Variants in SLC22A25 observed in about 807,000 individuals in gnomAD.
SLC22A25 encodes MGI:2442751, MGI:2385316, MGI:3042283, MGI:3645714, MGI:3605624, MGI:2442750.
In SLC22A25, 44 loss-of-function variants were observed where a neutral mutation model predicts 45.9. The ratio of observed to expected loss-of-function variants is 0.96; its 90% CI spans 0.75 to 1.23. The LOEUF (loss-of-function observed/expected upper bound fraction) is 1.23. Among genes scored for constraint, SLC22A25 ranks in the 50% most tolerant of loss-of-function variants. The probability of loss-of-function intolerance (pLI) is 0.00; values close to 1 mark genes in which losing one functional copy is unlikely to be tolerated. For missense variants in SLC22A25, 800 were observed against 666.4 expected, an observed-to-expected ratio of 1.20 and a Z score of -2.21; for synonymous variants, 283 against 238.6, an observed-to-expected ratio of 1.19 and a Z score of -1.72.
intron 7 of SLC22A25, among the ~76,000 whole-genome samples, chr11:63,203,356 C>T (rs1487692415): frequency 6.6e-6 from 1 of 151,904 alleles, no homozygotes; most frequent in African/African-American, 2.4e-5. Context: ...TAACAATCTC[C>T]TCTGAGCTAA....
At chr11:63,204,801 C>T (rs1268237891) in intron 7 of SLC22A25, among the ~76,000 whole-genome samples, 1 of 152,154 alleles carries the variant, frequency 6.6e-6, no homozygotes, top group Non-Finnish European at 1.5e-5. Context: ...CAGCTCTGCA[C>T]CAAGCCAACC....
intron 7 of SLC22A25, among the ~76,000 whole-genome samples, chr11:63,200,747 T>C (rs2089213327): frequency 6.6e-6 from 1 of 152,096 alleles, no homozygotes; most frequent in South Asian, 2.1e-4. Flanking sequence ...AGGTCTTATA[T>C]CAAGAAAACC....
At chr11:63,171,159 T>C (rs2087868551) in intron 9 of SLC22A25, among the ~76,000 whole-genome samples, 1 of 152,162 alleles carries the variant, frequency 6.6e-6, no homozygotes, top group African/African-American at 2.4e-5. Context: ...ATGGAACATA[T>C]CTCAAAATAA....
At chr11:63,239,678 G>C (rs1005533120) in intron 1 of SLC22A25, among the ~76,000 whole-genome samples, 4 of 152,160 alleles carry the variant, frequency 2.6e-5, no homozygotes, top group South Asian at 2.1e-4. Flanking sequence ...CTCTGCTTCA[G>C]GTGAAATCAC....
chr11:63,239,906 T>C (rs2090220359), intron 1 of SLC22A25, among the ~76,000 whole-genome samples: 2 of 152,304 alleles, frequency 1.3e-5, no homozygotes, highest in South Asian at 4.1e-4. Flanking sequence ...TACTTAAATA[T>C]TCACACTCTG....
At chr11:63,212,149 A>C (rs1315955351) in intron 7 of SLC22A25, among the ~76,000 whole-genome samples, 2 of 152,098 alleles carry the variant, frequency 1.3e-5, no homozygotes, top group Non-Finnish European at 2.9e-5. Context: ...AATGGCGATC[A>C]TTAAAAAGTC....
intron 3 of SLC22A25, among the ~76,000 whole-genome samples, chr11:63,235,583 G>C (rs1341621950): frequency 1.3e-5 from 2 of 152,076 alleles, no homozygotes; most frequent in Admixed American, 6.6e-5. Flanking sequence ...TTTGCCATTG[G>C]TTTAAACTTC....
intron 9 of SLC22A25, among the ~76,000 whole-genome samples, chr11:63,169,643 C>G (rs779064976): frequency 6.6e-6 from 1 of 152,164 alleles, no homozygotes; most frequent in Non-Finnish European, 1.5e-5. Flanking sequence ...ACACACAACA[C>G]AGGAGCACCC....
chr11:63,187,594 G>A (rs932259556), intron 7 of SLC22A25, among the ~76,000 whole-genome samples: 2 of 152,198 alleles, frequency 1.3e-5, no homozygotes, highest in Non-Finnish European at 2.9e-5. Context: ...GAATAGGAGT[G>A]GTGAGAGAGG....
intron 3 of SLC22A25, among the ~76,000 whole-genome samples, chr11:63,235,789 C>T (rs2090152747): frequency 6.6e-6 from 1 of 152,110 alleles, no homozygotes; most frequent in Non-Finnish European, 1.5e-5. Flanking sequence ...TACTTTTGGT[C>T]TTTGATGATG....
At chr11:63,172,360 C>A (rs994305702) in intron 9 of SLC22A25, among the ~76,000 whole-genome samples, 2 of 152,058 alleles carry the variant, frequency 1.3e-5, no homozygotes, top group African/African-American at 4.8e-5. Context: ...GAACAGGCAA[C>A]CTACAGAATG....
intron 3 of SLC22A25, among the ~76,000 whole-genome samples, chr11:63,231,139 G>T (rs975276036): frequency 6.6e-6 from 1 of 152,188 alleles, no homozygotes. Flanking sequence ...ATAGCAGCAT[G>T]ATTTATAATC....
chr11:63,191,686 T>C (rs3891629), intron 7 of SLC22A25, among the ~76,000 whole-genome samples: 67,840 of 151,902 alleles, frequency 0.45, 15,317 homozygotes, highest in East Asian at 0.56. Flanking sequence ...CCATCTTGGC[T>C]CCACCCCCCC....
At chr11:63,169,872 C>T (rs2087818359) in intron 9 of SLC22A25, among the ~76,000 whole-genome samples, 1 of 152,202 alleles carries the variant, frequency 6.6e-6, no homozygotes, top group Admixed American at 6.5e-5. Flanking sequence ...TTCTTCTCAG[C>T]ACCACATCGC....
At chr11:63,179,814 C>T (rs2088253263) in intron 9 of SLC22A25, among the ~76,000 whole-genome samples, 1 of 152,148 alleles carries the variant, frequency 6.6e-6, no homozygotes, top group Non-Finnish European at 1.5e-5. Context: ...TGAGTCACAG[C>T]TTTCTTTTGT....
intron 7 of SLC22A25, among the ~76,000 whole-genome samples, chr11:63,196,515 T>C (rs911563995): frequency 6.6e-6 from 1 of 152,162 alleles, no homozygotes; most frequent in Non-Finnish European, 1.5e-5. Flanking sequence ...CACATGATTA[T>C]CTCAATAGAT....
chr11:63,228,599 T>C (rs755456573), intron 4 of SLC22A25, 35 bp from the exon 5 acceptor site: 1 of 1,487,366 alleles, frequency 6.7e-7, no homozygotes, highest in Non-Finnish European at 9.4e-7. Flanking sequence ...TCAATGCTTA[T>C]AGCCCCTCAG....
At chr11:63,183,654 G>A (rs774827348) in intron 8 of SLC22A25, 40 bp downstream of exon 8, 6 of 1,610,236 alleles carry the variant, frequency 3.7e-6, no homozygotes, top group Admixed American at 1.7e-5. Context: ...GACAATTTAT[G>A]TCTTCCCAGC....
chr11:63,185,215 C>A (rs545044843), intron 7 of SLC22A25, among the ~76,000 whole-genome samples: 1 of 152,012 alleles, frequency 6.6e-6, no homozygotes, highest in Non-Finnish European at 1.5e-5. Context: ...TATACATGTG[C>A]CATGTTGGTG....
Sources: allele counts gnomAD v4.1 joint callset (sites outside exome capture counted in the v4.1 genomes callset), GRCh38; gene constraint gnomAD v4.1.1; transcripts MANE v1.5; gene names NCBI Gene and HGNC (gene_info 2026-07-23, HGNC 2026-07-21).